The following EFNB2 variants were observed in gnomAD, a reference collection of about 807,000 sequenced individuals.
EFNB2 encodes the protein ephrin B2.
In EFNB2, 5 loss-of-function variants were observed where a neutral mutation model predicts 32.1. That is an observed-to-expected ratio of 0.16 (90% CI 0.08 to 0.33). The LOEUF is 0.33. Among genes scored for constraint, EFNB2 ranks in the 10% least tolerant of loss-of-function variants. The pLI, the probability that EFNB2 is intolerant of heterozygous loss-of-function variation, is 1.00. For missense variants in EFNB2, 263 were observed against 422.6 expected, an observed-to-expected ratio of 0.62 and a Z score of 3.31; for synonymous variants, 168 against 166.5, an observed-to-expected ratio of 1.01 and a Z score of -0.07.
chr13:106,535,069 T>G lies in EFNB2; in HGVS notation c.-105A>C. On this transcript the variant is annotated 5_prime_UTR_variant, in exon 1 of 5. Coordinates refer to ENST00000646441, the MANE Select transcript of EFNB2 (RefSeq NM_004093.4). Reference sequence around the variant, plus strand: ...GGGCAGACTGGCGGGGAAGACGGCGTGCGCCCGCAGGCAGCTCCGAGGCGC... The same window carrying G: ...GGGCAGACTGGCGGGGAAGACGGCGGGCGCCCGCAGGCAGCTCCGAGGCGC... 6.7e-7 allele frequency: 1 copy of G among 1,492,554 alleles called. No homozygotes were observed. The highest frequency in any genetic ancestry group is 8.9e-7 in the Non-Finnish European group (1 of 1,118,420). 92.5% of individuals were successfully genotyped at this position (1,492,554 alleles called of 1,614,324 possible).
chr13:106,495,610 G>GTA, intron 3 of EFNB2, 138 bp downstream of exon 3: 1 of 764,240 alleles, frequency 1.3e-6, no homozygotes, highest in Non-Finnish European at 2.1e-6. Flanking sequence ...ATCTGTCAGT[G>GTA]GCTCAAAGTG....
chr13:106,520,667 C>T (rs1465547195), intron 1 of EFNB2: 3 of 152,196 alleles, frequency 2.0e-5, no homozygotes, highest in Non-Finnish European at 4.4e-5. Context: ...ATAAGGTATT[C>T]TCTGAATGCC....
intron 2 of EFNB2, among the ~76,000 whole-genome samples, chr13:106,499,176 G>T (rs1878691255): frequency 6.6e-6 from 1 of 151,922 alleles, no homozygotes; most frequent in African/African-American, 2.4e-5. Flanking sequence ...TTCCCATAGT[G>T]AAAATCACCT....
At chr13:106,532,111 G>T (rs573349112) in intron 1 of EFNB2, among the ~76,000 whole-genome samples, 1 of 150,346 alleles carries the variant, frequency 6.7e-6, no homozygotes, top group African/African-American at 2.4e-5. Context: ...GGCTACAACG[G>T]ACCCAACTCT....
chr13:106,533,815 T>C (rs1474929252), intron 1 of EFNB2, among the ~76,000 whole-genome samples: 1 of 152,200 alleles, frequency 6.6e-6, no homozygotes. Flanking sequence ...CAAGATTCTG[T>C]AAAATATGTT....
chr13:106,493,422 C>G lies in EFNB2; in HGVS notation c.620G>C (p.Ser207Thr), dbSNP rs1878484489. Residue 207 changes from serine to threonine, a missense_variant, in exon 5 of 5, where the codon AGC becomes ACC. Coordinates refer to ENST00000646441, the MANE Select transcript of EFNB2 (RefSeq NM_004093.4). The surrounding 1 kb of genome is among the most constrained non-coding windows in gnomAD (Gnocchi z 6.1). ...ATGTCCGGCGCTGTTGCCGTCTGTG[C>G]TAGAACCTGCAGACGCGGAGACAGA... Reference protein sequence around the residue: ...SPFVKPNPGSSTDGNSAGHSG... With the variant: ...SPFVKPNPGSTTDGNSAGHSG... The G allele has an allele frequency of 6.2e-6, 10 of 1,608,670 alleles. No individual in the cohort carries two copies. Among genetic ancestry groups the G allele is most frequent in the Non-Finnish European group, 8.5e-6 (10 of 1,176,140 alleles).
At chr13:106,500,289 T>C (rs1178658940) in intron 2 of EFNB2, among the ~76,000 whole-genome samples, 2 of 152,190 alleles carry the variant, frequency 1.3e-5, no homozygotes, top group Admixed American at 1.3e-4. Context: ...GCTAATCAGA[T>C]GGACAATCAA....
chr13:106,515,912 G>C (rs1879297330), intron 1 of EFNB2, among the ~76,000 whole-genome samples: 1 of 152,188 alleles, frequency 6.6e-6, no homozygotes, highest in Non-Finnish European at 1.5e-5. Context: ...GACATTATGA[G>C]TGACAGAAAA....
rs910355517 is a variant in EFNB2, at chr13:106,490,737, TGATATA to T, written c.*2297_*2302del. Reference sequence around the variant, plus strand: ...ACCATGGCAACCCTCCACAGAAATATGATATAGATATATATAATATATATTGTAGAT... The same window carrying T: ...ACCATGGCAACCCTCCACAGAAATATGATATATATAATATATATTGTAGAT... On this transcript the variant is annotated 3_prime_UTR_variant, in exon 5 of 5. Coordinates refer to ENST00000646441, the MANE Select transcript of EFNB2 (RefSeq NM_004093.4). The T allele has an allele frequency of 2.6e-5, 4 of 151,638 alleles. No homozygotes were observed. Among genetic ancestry groups the T allele is most frequent in the Admixed American group, 1.3e-4 (2 of 15,192 alleles). 9.4% of individuals were successfully genotyped at this position (151,638 alleles called of 1,614,324 possible).
chr13:106,496,209 C>T (rs923135326), intron 2 of EFNB2, among the ~76,000 whole-genome samples: 1 of 152,140 alleles, frequency 6.6e-6, no homozygotes, highest in African/African-American at 2.4e-5. Flanking sequence ...TTAATGCAGC[C>T]ATTTCCAAAC....
At chr13:106,529,303 G>A (rs2098099730) in intron 1 of EFNB2, among the ~76,000 whole-genome samples, 1 of 152,152 alleles carries the variant, frequency 6.6e-6, no homozygotes, top group South Asian at 2.1e-4. Context: ...TTAAGGCAAC[G>A]ACCGCGAAGT....
chr13:106,492,674 G>C lies in EFNB2; in HGVS notation c.*366C>G, dbSNP rs369018837. The C allele has an allele frequency of 3.4e-4, 69 of 202,250 alleles. 1 individual carries two copies. The highest frequency in any genetic ancestry group is 1.5e-3 in the African/African-American group (68 of 44,014). 12.5% of individuals were successfully genotyped at this position (202,250 alleles called of 1,614,324 possible). On this transcript the variant is annotated 3_prime_UTR_variant, in exon 5 of 5. Coordinates refer to ENST00000646441, the MANE Select transcript of EFNB2 (RefSeq NM_004093.4). This position sits in a 1 kb window ranked among gnomAD's most constrained non-coding sequence, Gnocchi z 5.1. ...CGGCCCTTCCAGGCGTGGCATCCTG[G>C]GGCACCTGCCAGGATGCTCACAGCC...
chr13:106,531,164 C>T (rs1161207468), intron 1 of EFNB2, among the ~76,000 whole-genome samples: 9 of 152,216 alleles, frequency 5.9e-5, no homozygotes, highest in Admixed American at 5.9e-4. Context: ...ATCTTAACCT[C>T]CAGCTCCTGT....
chr13:106,495,925 CTGAAAACAATTTGAAAA>C, intron 2 of EFNB2, 85 bp from the exon 3 acceptor site: 1 of 1,285,292 alleles, frequency 7.8e-7, no homozygotes, highest in Non-Finnish European at 1.1e-6. Flanking sequence ...CATGAAATGT[CTGAAAACAATTTGAAAA>C]ATAAGAATTC....
intron 2 of EFNB2, among the ~76,000 whole-genome samples, chr13:106,511,347 T>G (rs1879136387): frequency 1.3e-5 from 2 of 152,192 alleles, no homozygotes; most frequent in African/African-American, 4.8e-5. Flanking sequence ...CTGGGTGCAG[T>G]GGCACATGCC....
chr13:106,517,742 G>C lies in EFNB2; in HGVS notation c.123-4930C>G, dbSNP rs1879360052. On this transcript the variant is annotated intron_variant, in intron 1 of 4. Coordinates refer to ENST00000646441, the MANE Select transcript of EFNB2 (RefSeq NM_004093.4). ...GCAAGACAATAGATGCCCTGCCTTT[G>C]AATCAAATATAGACACAATATAATG... 3 of 152,144 alleles carry C rather than the reference G, an allele frequency of 2.0e-5. No homozygotes were observed. In the South Asian group the frequency reaches 6.2e-4, roughly 31 times the overall value. 9.4% of individuals were successfully genotyped at this position (152,144 alleles called of 1,614,324 possible).
At position 106,529,982 on chromosome 13, in the gene EFNB2, G is replaced by A. The variant is rs118090093; in HGVS notation, c.122+4861C>T. Among the ~76,000 whole-genome samples, 437 of 152,116 alleles carry A rather than the reference G, an allele frequency of 2.9e-3. 3 individuals carry two copies. In the South Asian group the frequency reaches 0.034, roughly 12 times the overall value. ...GACCCTTTCACTTTGTTTTTGATTC[G>A]GAACTACAAAATGGATTACTAAAGA... On this transcript the variant is annotated intron_variant, in intron 1 of 4. Transcript: ENST00000646441.
intron 4 of EFNB2, among the ~76,000 whole-genome samples, chr13:106,494,384 T>C (rs563187410): frequency 1.3e-5 from 2 of 152,388 alleles, no homozygotes; most frequent in African/African-American, 4.8e-5. Context: ...ACCTGTTTAA[T>C]ATTTTCTTTT....
rs1878415119 is a variant in EFNB2 at position 106,491,771 on chromosome 13, A to T, written c.*1269T>A. ...GGGGGATCTGACCTACCTTTTATAG[A>T]TAAGGATTCTTTAATAACAACGATG... On this transcript the variant is annotated 3_prime_UTR_variant, in exon 5 of 5. Coordinates refer to ENST00000646441, the MANE Select transcript of EFNB2 (RefSeq NM_004093.4). The T allele has an allele frequency of 6.6e-6, 1 of 152,606 alleles. No homozygotes were observed. The highest frequency in any genetic ancestry group is 1.5e-5 in the Non-Finnish European group (1 of 68,056). The allele number at this position is 152,606 out of a possible 1,614,324, so 9.5% of individuals were successfully genotyped here. A position where few individuals can be genotyped will look rare whatever the true frequency, so the allele number is the denominator to read the frequency against.
Sources: gnomAD v4.1 joint callset for allele counts (sites outside exome capture counted in the v4.1 genomes callset) on GRCh38, gnomAD v4.1.1 for gene constraint, Gnocchi (gnomAD v3.1) non-coding constraint, MANE v1.5 for transcripts, NCBI Gene and HGNC (gene_info 2026-07-23, HGNC 2026-07-21) for gene names.